The following GMDS variants were observed in gnomAD, a reference collection of about 807,000 sequenced individuals.
The protein encoded by GMDS is GDP-mannose 4,6 dehydratase.
A neutral mutation model predicts 49.9 loss-of-function variants in GMDS; 20 were observed. The ratio of observed to expected loss-of-function variants is 0.40; its 90% confidence interval spans 0.28 to 0.58. The LOEUF is 0.58. Ranked by LOEUF, GMDS falls within the 20% of genes least tolerant of loss-of-function variation. GMDS has a pLI of 0.42. For synonymous variants in GMDS, 177 were observed against 178.6 expected, an observed-to-expected ratio of 0.99 and a Z score of 0.07; for missense variants, 362 against 481.4, an observed-to-expected ratio of 0.75 and a Z score of 2.32.
In GMDS at chr6:2,069,212, C is replaced by A. The variant is rs375185609; in HGVS notation, c.345+46559G>T. Among the ~76,000 whole-genome samples, 793 of 152,084 alleles carry A rather than the reference C, an allele frequency of 5.2e-3. 4 individuals carry two copies. Among genetic ancestry groups the A allele is most frequent in the African/African-American group, 0.017 (705 of 41,468 alleles). On this transcript the variant is annotated intron_variant, in intron 4 of 10. Coordinates refer to ENST00000380815, the MANE Select transcript of GMDS (RefSeq NM_001500.4). ...ATGGTGCTGGGAAAACTGGCTAGCC[C>A]TATGTAGAAAGCTGAAACTGGATCC...
intron 1 of GMDS, among the ~76,000 whole-genome samples, chr6:2,227,318 C>A (rs1780860880): frequency 6.6e-6 from 1 of 152,094 alleles, no homozygotes; most frequent in African/African-American, 2.4e-5. Context: ...TAAAAACAGC[C>A]AGCTCCAAGT....
intron 4 of GMDS, among the ~76,000 whole-genome samples, chr6:2,094,555 T>G (rs192889868): frequency 7.4e-6 from 1 of 134,250 alleles, no homozygotes; most frequent in Non-Finnish European, 1.6e-5. Context: ...AGGACAGTCA[T>G]GACCTAAGTA....
chr6:2,107,023 T>C (rs888772718), intron 4 of GMDS, among the ~76,000 whole-genome samples: 2 of 152,176 alleles, frequency 1.3e-5, no homozygotes, highest in Non-Finnish European at 2.9e-5. Context: ...AAAATAATGT[T>C]GCAATACTAA....
intron 7 of GMDS, among the ~76,000 whole-genome samples, chr6:1,752,082 T>C (rs549801360): frequency 3.3e-5 from 5 of 152,140 alleles, no homozygotes; most frequent in Non-Finnish European, 7.3e-5. Flanking sequence ...AACAACAAAC[T>C]CTTCTGAGCA....
Position 1,692,376 on chromosome 6 carries a change from G to C in GMDS, c.987+34040C>G, listed in dbSNP as rs145648016. ...CTTCATATATTCATCTATCCTATTA[G>C]TTCTGTCCCTCTAGAGAATGCTGAC... On this transcript the variant is annotated intron_variant, in intron 9 of 10. Coordinates refer to ENST00000380815, the MANE Select transcript of GMDS (RefSeq NM_001500.4). 6.4e-3 allele frequency among the ~76,000 whole-genome samples: 978 copies of C among 152,008 alleles called. 13 individuals carry two copies. The highest frequency in any genetic ancestry group is 0.022 in the African/African-American group (925 of 41,310).
At chr6:1,692,231 G>A (rs1366629137) in intron 9 of GMDS, among the ~76,000 whole-genome samples, 6 of 152,192 alleles carry the variant, frequency 3.9e-5, no homozygotes, top group Non-Finnish European at 7.3e-5. Context: ...CTGCACTATA[G>A]GCTTCCCTGC....
chr6:1,883,982 T>C (rs1210478856), intron 7 of GMDS, among the ~76,000 whole-genome samples: 1 of 152,186 alleles, frequency 6.6e-6, no homozygotes, highest in Non-Finnish European at 1.5e-5. Flanking sequence ...GGACAGAACA[T>C]GGCCATCTAT....
intron 7 of GMDS, among the ~76,000 whole-genome samples, chr6:1,906,552 T>C (rs1760784809): frequency 6.6e-6 from 1 of 152,196 alleles, no homozygotes; most frequent in Admixed American, 6.5e-5. Context: ...ACTCACTGAT[T>C]TTAGAAATCA....
rs560395136 is a variant in GMDS, at chr6:1,634,125, G to C, written c.988-9585C>G. Among the ~76,000 whole-genome samples, 376 of 152,272 alleles carry C rather than the reference G, an allele frequency of 2.5e-3. 2 individuals carry two copies. Among genetic ancestry groups the C allele is most frequent in the African/African-American group, 8.9e-3 (369 of 41,544 alleles). ...AAATCTGCCACTCTTTGATGTGCTT[G>C]GTCCACCTAACCTAAAAGCACCTGG... On this transcript the variant is annotated intron_variant, in intron 9 of 10. Transcript: ENST00000380815.
chr6:1,887,086 C>T (rs1480047090), intron 7 of GMDS, among the ~76,000 whole-genome samples: 3 of 152,202 alleles, frequency 2.0e-5, no homozygotes, highest in African/African-American at 7.2e-5. Context: ...GGGTAAGCAA[C>T]TTGTCTTGGA....
At chr6:1,756,063 A>C (rs1017750350) in intron 7 of GMDS, among the ~76,000 whole-genome samples, 1 of 152,250 alleles carries the variant, frequency 6.6e-6, no homozygotes, top group Non-Finnish European at 1.5e-5. Context: ...CAAATGTAAA[A>C]GAAAACAACA....
intron 7 of GMDS, among the ~76,000 whole-genome samples, chr6:1,820,268 A>T (rs1034040369): frequency 3.9e-5 from 6 of 152,328 alleles, no homozygotes; most frequent in Admixed American, 2.0e-4. Context: ...AATGTGGATA[A>T]AGAATGCTTT....
intron 9 of GMDS, among the ~76,000 whole-genome samples, chr6:1,629,824 C>A (rs771963716): frequency 2.6e-5 from 4 of 152,146 alleles, no homozygotes; most frequent in African/African-American, 9.7e-5. Context: ...TTGGGATCAG[C>A]GGCTGTTAAG....
intron 4 of GMDS, among the ~76,000 whole-genome samples, chr6:2,097,747 C>T (rs1046313370): frequency 1.3e-5 from 2 of 152,106 alleles, no homozygotes; most frequent in Non-Finnish European, 2.9e-5. Flanking sequence ...GCTCCAGTTC[C>T]GCCCTAAAAC....
intron 1 of GMDS, among the ~76,000 whole-genome samples, chr6:2,151,277 T>C (rs1776830485): frequency 6.6e-6 from 1 of 151,550 alleles, no homozygotes; most frequent in South Asian, 2.1e-4. Context: ...AAATATCTCA[T>C]GTAACCCATA....
chr6:1,643,939 C>T (rs1763410971), intron 9 of GMDS, among the ~76,000 whole-genome samples: 1 of 152,318 alleles, frequency 6.6e-6, no homozygotes. Flanking sequence ...GGTGGGCCCT[C>T]TCTAGAGGCC....
intron 1 of GMDS, among the ~76,000 whole-genome samples, chr6:2,203,738 T>G (rs183024149): frequency 6.6e-6 from 1 of 152,324 alleles, no homozygotes; most frequent in East Asian, 1.9e-4. Context: ...TTCCAATAAC[T>G]CTACCAGGTT....
intron 9 of GMDS, among the ~76,000 whole-genome samples, chr6:1,719,684 T>A (rs1298743905): frequency 6.6e-6 from 1 of 151,208 alleles, no homozygotes; most frequent in Non-Finnish European, 1.5e-5. Context: ...CGGCCAAAGA[T>A]GAAAATAAAG....
At chr6:1,747,888 G>T (rs1276052819) in intron 7 of GMDS, among the ~76,000 whole-genome samples, 2 of 152,150 alleles carry the variant, frequency 1.3e-5, no homozygotes, top group Middle Eastern at 3.2e-3. Flanking sequence ...GTGTCACACG[G>T]ATTCCTTAGA....
Sources: allele counts gnomAD v4.1 joint callset (sites outside exome capture counted in the v4.1 genomes callset), GRCh38; gene constraint gnomAD v4.1.1; transcripts MANE v1.5; gene names NCBI Gene and HGNC (gene_info 2026-07-23, HGNC 2026-07-21).